NRG1: variants seen among roughly 807,000 people sequenced by gnomAD.
NRG1 encodes the protein pro-neuregulin-1, membrane-bound isoform.
NRG1 carries 18 observed loss-of-function variants against 63.8 expected under a neutral mutation model. That is an observed-to-expected ratio of 0.28 (90% CI 0.19 to 0.42). The LOEUF (loss-of-function observed/expected upper bound fraction) is 0.42, where lower values mean the gene tolerates loss of function less well. NRG1 is among the 10% of genes least tolerant of loss of function. The probability of loss-of-function intolerance (pLI) is 1.00; values close to 1 mark genes in which losing one functional copy is unlikely to be tolerated. For synonymous variants in NRG1, 302 were observed against 301.3 expected, an observed-to-expected ratio of 1.00 and a Z score of -0.02; for missense variants, 762 against 814.7, an observed-to-expected ratio of 0.94 and a Z score of 0.79.
chr8:31,778,307 C>T (rs573427800), intron 1 of NRG1, among the ~76,000 whole-genome samples: 3 of 152,256 alleles, frequency 2.0e-5, no homozygotes, highest in East Asian at 3.9e-4. Flanking sequence ...TAGTCTAGGG[C>T]GATCCTGGTG....
intron 1 of NRG1, among the ~76,000 whole-genome samples, chr8:31,891,489 C>G (rs1831141827): frequency 6.6e-6 from 1 of 152,102 alleles, no homozygotes; most frequent in Non-Finnish European, 1.5e-5. Flanking sequence ...AGTGACGAGA[C>G]CAATCGCTGG....
At chr8:31,728,848 G>A (rs576407956) in intron 1 of NRG1, among the ~76,000 whole-genome samples, 25 of 152,224 alleles carry the variant, frequency 1.6e-4, no homozygotes, top group African/African-American at 5.8e-4. Flanking sequence ...ATATAATAAT[G>A]TTCTGTTTCA....
chr8:32,075,829 C>T (rs1164720496), intron 1 of NRG1, among the ~76,000 whole-genome samples: 2 of 152,082 alleles, frequency 1.3e-5, no homozygotes, highest in East Asian at 1.9e-4. Context: ...CAGGCCACCA[C>T]ACCCACCTAA....
intron 1 of NRG1, among the ~76,000 whole-genome samples, chr8:32,323,995 G>A (rs1801717536): frequency 6.6e-6 from 1 of 151,974 alleles, no homozygotes; most frequent in African/African-American, 2.4e-5. Flanking sequence ...ATCGTGTCAG[G>A]AGAAAGCTAA....
intron 1 of NRG1, among the ~76,000 whole-genome samples, chr8:32,471,755 CA>C (rs1236165439): frequency 2.6e-5 from 4 of 152,144 alleles, no homozygotes; most frequent in Non-Finnish European, 5.9e-5. Flanking sequence ...ATTCTTGAGT[CA>C]ACCTACCTTC....
At chr8:32,475,310 C>A (rs950873229) in intron 1 of NRG1, among the ~76,000 whole-genome samples, 2 of 151,566 alleles carry the variant, frequency 1.3e-5, no homozygotes, top group Non-Finnish European at 2.9e-5. Context: ...ACTAAAAATA[C>A]AAAAATTAGC....
intron 1 of NRG1, among the ~76,000 whole-genome samples, chr8:31,685,994 T>C (rs1420472555): frequency 5.9e-5 from 9 of 152,222 alleles, no homozygotes; most frequent in African/African-American, 2.2e-4. Flanking sequence ...ATGTTTTTAT[T>C]TCTCTTAGGT....
chr8:31,959,790 ATTTATTATTTAT>A (rs1349577222), intron 1 of NRG1, among the ~76,000 whole-genome samples: 151 of 130,238 alleles, frequency 1.2e-3, no homozygotes, highest in African/African-American at 3.6e-3. Context: ...TTATTTATTT[ATTTATTATTTAT>A]TTATTTATTT....
chr8:31,985,977 T>TTGCAA (rs1266914227), intron 1 of NRG1, among the ~76,000 whole-genome samples: 84 of 152,098 alleles, frequency 5.5e-4, no homozygotes, highest in African/African-American at 1.9e-3. Flanking sequence ...TTGCATCAAC[T>TTGCAA]CTTTTAGCAA....
At chr8:32,269,873 T>C (rs1284022265) in intron 1 of NRG1, among the ~76,000 whole-genome samples, 1 of 152,194 alleles carries the variant, frequency 6.6e-6, no homozygotes, top group African/African-American at 2.4e-5. Context: ...AACGATAAAA[T>C]GGACCTTTTG....
At chr8:31,832,989 G>T (rs1407884216) in intron 1 of NRG1, among the ~76,000 whole-genome samples, 3 of 152,132 alleles carry the variant, frequency 2.0e-5, no homozygotes, top group African/African-American at 7.2e-5. Context: ...AATTTGCAAA[G>T]ATACGGTGTT....
intron 1 of NRG1, among the ~76,000 whole-genome samples, chr8:31,682,699 A>G (rs949183442): frequency 6.6e-6 from 1 of 152,246 alleles, no homozygotes; most frequent in African/African-American, 2.4e-5. Flanking sequence ...CTGTCCAGCT[A>G]TGGAAGCAAT....
intron 1 of NRG1, among the ~76,000 whole-genome samples, chr8:32,516,477 G>A (rs1167967513): frequency 6.6e-6 from 1 of 152,146 alleles, no homozygotes; most frequent in East Asian, 1.9e-4. Flanking sequence ...GATGTTGGTA[G>A]TTTGGTAAGA....
intron 1 of NRG1, among the ~76,000 whole-genome samples, chr8:31,800,850 T>C (rs909454735): frequency 2.1e-5 from 3 of 140,638 alleles, no homozygotes; most frequent in Non-Finnish European, 3.1e-5. Context: ...TTTTTTTTTT[T>C]TTTTTTTTGA....
intron 1 of NRG1, among the ~76,000 whole-genome samples, chr8:32,391,143 G>C (rs1390764327): frequency 6.6e-6 from 1 of 151,832 alleles, no homozygotes; most frequent in Non-Finnish European, 1.5e-5. Flanking sequence ...GAGGGGGGCT[G>C]GTGGCAGGAC....
At chr8:31,915,964 T>G (rs993217319) in intron 1 of NRG1, among the ~76,000 whole-genome samples, 4 of 152,164 alleles carry the variant, frequency 2.6e-5, no homozygotes, top group Non-Finnish European at 5.9e-5. Context: ...CTACCAAGCA[T>G]ATTCTGGAAC....
Position 32,723,392 on chromosome 8 carries a change from G to T in NRG1, c.503-4557G>T, listed in dbSNP as rs112850728. 3.7e-3 allele frequency among the ~76,000 whole-genome samples: 562 copies of T among 152,122 alleles called. 6 individuals are homozygous for T. The highest frequency in any genetic ancestry group is 0.013 in the African/African-American group (530 of 41,532). ...TTGCACATAATAAACAGTCACTAAAGAATTGTGGGTCAGGCGTGGTGGCTC... is the reference window on the plus strand; with the variant it reads ...TTGCACATAATAAACAGTCACTAAATAATTGTGGGTCAGGCGTGGTGGCTC... On this transcript the variant is annotated intron_variant, in intron 5 of 11. Transcript: ENST00000356819.
intron 1 of NRG1, among the ~76,000 whole-genome samples, chr8:32,054,220 A>G (rs1160572333): frequency 6.6e-6 from 1 of 152,166 alleles, no homozygotes; most frequent in African/African-American, 2.4e-5. Context: ...GGGAACTCTC[A>G]CGGCATAACT....
At chr8:32,087,478 C>CTTTATTT (rs1828399388) in intron 1 of NRG1, among the ~76,000 whole-genome samples, 6 of 28,806 alleles carry the variant, frequency 2.1e-4, no homozygotes, top group Non-Finnish European at 5.1e-4. Context: ...TATTTCTTTT[C>CTTTATTT]TTTCTTTTTT....
Sources: allele counts gnomAD v4.1 joint callset (sites outside exome capture counted in the v4.1 genomes callset), GRCh38; gene constraint gnomAD v4.1.1; transcripts MANE v1.5; gene names NCBI Gene and HGNC (gene_info 2026-07-23, HGNC 2026-07-21).